The following CNTNAP5 variants were observed in gnomAD, a reference collection of about 807,000 sequenced individuals.
CNTNAP5 encodes the protein contactin associated protein family member 5.
Under a neutral mutation model 150.2 loss-of-function variants are expected in CNTNAP5, and 72 were observed. The observed-to-expected ratio is 0.48, with a 90% CI of 0.40 to 0.58. The LOEUF is 0.58. Among genes scored for constraint, CNTNAP5 ranks in the 20% least tolerant of loss-of-function variants. CNTNAP5 has a pLI of 0.00. For synonymous variants in CNTNAP5, 672 were observed against 619.8 expected (o/e 1.08, Z -1.25); for missense variants, 1,636 against 1,626.2 (o/e 1.01, Z -0.10).
rs530140389 is a variant in CNTNAP5, at chr2:124,798,775, T to C, written c.3217+455T>C. On this transcript the variant is annotated intron_variant, in intron 19 of 23. Coordinates refer to ENST00000682447, the MANE Select transcript of CNTNAP5 (RefSeq NM_001367498.1). ...CCAGGTCTTAGAGAGAAGTAGTTAG[T>C]ATATGAGTCATAACCTTGGGGAATA... Among the ~76,000 whole-genome samples, 22 of 152,254 alleles carry C rather than the reference T, an allele frequency of 1.4e-4. No homozygotes were observed. The East Asian group carries it at 4.3e-3, about 29-fold the overall frequency.
intron 10 of CNTNAP5, among the ~76,000 whole-genome samples, chr2:124,561,911 T>C (rs191191671): frequency 8.5e-4 from 130 of 152,298 alleles, no homozygotes; most frequent in Non-Finnish European, 1.6e-3. Flanking sequence ...GCACCCTCTC[T>C]CTTTTTAAAT....
chr2:124,399,755 T>G (rs1345928731), intron 3 of CNTNAP5, among the ~76,000 whole-genome samples: 2 of 152,138 alleles, frequency 1.3e-5, no homozygotes, highest in African/African-American at 4.8e-5. Flanking sequence ...AGACTTCATA[T>G]GCTGCCCATT....
chr2:124,567,032 AAT>A (rs1232453051), intron 11 of CNTNAP5, among the ~76,000 whole-genome samples: 3 of 152,214 alleles, frequency 2.0e-5, no homozygotes, highest in African/African-American at 7.2e-5. Context: ...TGGATTAATA[AAT>A]TATTTATAAT....
intron 12 of CNTNAP5, among the ~76,000 whole-genome samples, chr2:124,610,238 G>GCAAA (rs1294432454): frequency 1.3e-5 from 2 of 152,112 alleles, no homozygotes; most frequent in Non-Finnish European, 2.9e-5. Context: ...AGGTAAATAA[G>GCAAA]CAAACAAACA....
intron 3 of CNTNAP5, among the ~76,000 whole-genome samples, chr2:124,317,882 G>C (rs1689007396): frequency 6.6e-6 from 1 of 152,194 alleles, no homozygotes; most frequent in Non-Finnish European, 1.5e-5. Flanking sequence ...ACTTTTGCTA[G>C]AGATGTGAAG....
chr2:124,198,412 TTTC>T (rs1685642116), intron 1 of CNTNAP5, among the ~76,000 whole-genome samples: 1 of 152,162 alleles, frequency 6.6e-6, no homozygotes, highest in South Asian at 2.1e-4. Context: ...TTAGTTTTTT[TTTC>T]TTTTCCGACT....
intron 1 of CNTNAP5, among the ~76,000 whole-genome samples, chr2:124,194,129 T>C (rs1453269087): frequency 1.3e-5 from 2 of 152,028 alleles, no homozygotes; most frequent in Non-Finnish European, 2.9e-5. Flanking sequence ...AGGACACAGC[T>C]GCTGCAATAT....
Position 124,869,729 on chromosome 2 carries a change from G to A in CNTNAP5, c.3403G>A (p.Val1135Ile), listed in dbSNP as rs1440243165. ...YNFSPEVEFR[V>I]IRSLTLGKVT... ...CTTCTCTCCGGAAGTAGAGTTCAGG[G>A]TTATAAGGTCACTCACCTTGGGCAA... The change falls in exon 21 of 24, where the codon GTT (valine) becomes ATT (isoleucine). Residue 1135 changes from valine (V) to isoleucine (I), a missense_variant. Val to Ile is a conservative substitution (Grantham distance 29). Transcript: ENST00000682447. 1.2e-6 allele frequency: 2 copies of A among 1,611,690 alleles called. No individual in the cohort carries two copies. The highest frequency in any genetic ancestry group is 2.2e-5 in the East Asian group (1 of 44,740).
intron 21 of CNTNAP5, among the ~76,000 whole-genome samples, chr2:124,883,934 G>GCTTGCAAATGTACATGTACTCTA (rs1558812734): frequency 6.6e-6 from 1 of 151,974 alleles, no homozygotes; most frequent in Non-Finnish European, 1.5e-5. Context: ...ATGTATGTCT[G>GCTTGCAAATGTACATGTACTCTA]TGCTTGCAAA....
intron 19 of CNTNAP5, among the ~76,000 whole-genome samples, chr2:124,861,249 C>T (rs1190452061): frequency 6.6e-6 from 1 of 151,862 alleles, no homozygotes. Flanking sequence ...AGAAAAACAG[C>T]ATTTATAATA....
intron 12 of CNTNAP5, among the ~76,000 whole-genome samples, chr2:124,632,879 T>G (rs1245581749): frequency 1.3e-5 from 2 of 152,040 alleles, no homozygotes; most frequent in Non-Finnish European, 2.9e-5. Flanking sequence ...GAAGCAGGCA[T>G]GTCTTACATG....
chr2:124,579,841 C>T (rs1452084894), intron 11 of CNTNAP5, among the ~76,000 whole-genome samples: 1 of 152,100 alleles, frequency 6.6e-6, no homozygotes, highest in Non-Finnish European at 1.5e-5. Flanking sequence ...GAGAAAATGA[C>T]CAAAAGGAGG....
At chr2:124,036,220 G>C (rs1441690285) in intron 1 of CNTNAP5, among the ~76,000 whole-genome samples, 3 of 151,878 alleles carry the variant, frequency 2.0e-5, no homozygotes, top group African/African-American at 4.8e-5. Context: ...CACCGCGCCC[G>C]GCCTCCCAGG....
intron 13 of CNTNAP5, among the ~76,000 whole-genome samples, chr2:124,685,127 A>T (rs1679161836): frequency 6.6e-6 from 1 of 152,148 alleles, no homozygotes; most frequent in African/African-American, 2.4e-5. Flanking sequence ...AAGGTTGTTG[A>T]TCTTCAAAAT....
In CNTNAP5 at chr2:124,713,314, C is replaced by CT. The variant is rs1679866647; in HGVS notation, c.2078-33912dup. ...CTTTCTTTCTTTCTTCTTTCTCTTT[C>CT]TTTCCTTTCTTTCTTTCTTTCTTTC... On this transcript the variant is annotated intron_variant, in intron 13 of 23. Coordinates refer to ENST00000682447, the MANE Select transcript of CNTNAP5 (RefSeq NM_001367498.1). Among the ~76,000 whole-genome samples, 13 of 79,960 alleles carry CT rather than the reference C, an allele frequency of 1.6e-4. 1 individual carries two copies. Among genetic ancestry groups the CT allele is most frequent in the African/African-American group, 3.3e-4 (8 of 24,234 alleles). The allele number at this position is 79,960 out of a possible 152,430, so 52.5% of individuals were successfully genotyped here. A position where few individuals can be genotyped will look rare whatever the true frequency, so the allele number is the denominator to read the frequency against.
chr2:124,436,447 C>T (rs1284694843), intron 5 of CNTNAP5, among the ~76,000 whole-genome samples: 3 of 152,064 alleles, frequency 2.0e-5, no homozygotes, highest in Non-Finnish European at 2.9e-5. Flanking sequence ...TCTTCTGAGC[C>T]TCAGTTTCTT....
chr2:124,651,765 G>A lies in CNTNAP5; in HGVS notation c.2077+3807G>A, dbSNP rs1447038304. Among the ~76,000 whole-genome samples, 4 of 152,228 alleles carry A rather than the reference G, an allele frequency of 2.6e-5. 1 individual carries two copies. The highest frequency in any genetic ancestry group is 2.0e-4 in the Admixed American group (3 of 15,284). On this transcript the variant is annotated intron_variant, in intron 13 of 23. Coordinates refer to ENST00000682447, the MANE Select transcript of CNTNAP5 (RefSeq NM_001367498.1). ...GAAGCGCACCAAGCACTGTCTCTGT[G>A]AAGGCCACGGAGTTGTCAGGGTTGC...
chr2:124,545,616 G>A (rs1035179227), intron 10 of CNTNAP5, among the ~76,000 whole-genome samples: 10 of 152,098 alleles, frequency 6.6e-5, no homozygotes, highest in African/African-American at 2.4e-4. Context: ...CGTGGTGACT[G>A]TGGTCCTGGG....
At chr2:124,858,669 C>T (rs909213821) in intron 19 of CNTNAP5, among the ~76,000 whole-genome samples, 1 of 152,048 alleles carries the variant, frequency 6.6e-6, no homozygotes, top group Admixed American at 6.6e-5. Context: ...ATTTGCAAGC[C>T]TCATGGAAAC....
Sources: gnomAD v4.1 joint callset for allele counts (sites outside exome capture counted in the v4.1 genomes callset) on GRCh38, gnomAD v4.1.1 for gene constraint, MANE v1.5 for transcripts, NCBI Gene and HGNC (gene_info 2026-07-23, HGNC 2026-07-21) for gene names.